Variants in RCAN2 observed in about 807,000 individuals in gnomAD.
RCAN2 encodes the protein regulator of calcineurin 2.
In RCAN2, 9 loss-of-function variants were observed where a neutral mutation model predicts 23.6. The observed-to-expected ratio is 0.38, with a 90% CI of 0.23 to 0.67. RCAN2 has a LOEUF of 0.67. Ranked by LOEUF, RCAN2 falls within the 30% of genes least tolerant of loss-of-function variation. The pLI is 0.51. For missense variants in RCAN2, 273 were observed against 302.3 expected (o/e 0.90, Z 0.72); for synonymous variants, 109 against 115.7 (o/e 0.94, Z 0.37).
At chr6:46,249,662 C>A (rs1299051612) in intron 2 of RCAN2, among the ~76,000 whole-genome samples, 2 of 152,074 alleles carry the variant, frequency 1.3e-5, no homozygotes, top group African/African-American at 4.8e-5. Context: ...ATATGGGATC[C>A]ACTCCATCCA....
intron 2 of RCAN2, among the ~76,000 whole-genome samples, chr6:46,267,254 T>G (rs1039651310): frequency 6.6e-6 from 1 of 152,180 alleles, no homozygotes; most frequent in Non-Finnish European, 1.5e-5. Context: ...AATAACATGG[T>G]CATGGTAGAC....
intron 2 of RCAN2, among the ~76,000 whole-genome samples, chr6:46,350,993 T>C (rs942743163): frequency 1.3e-5 from 2 of 152,204 alleles, no homozygotes; most frequent in East Asian, 1.9e-4. Flanking sequence ...TGGATGATAA[T>C]AGTATCACCT....
At chr6:46,349,375 A>T (rs920336576) in intron 2 of RCAN2, among the ~76,000 whole-genome samples, 11 of 152,104 alleles carry the variant, frequency 7.2e-5, no homozygotes, top group African/African-American at 2.4e-4. Flanking sequence ...ATGGACACAG[A>T]GAGGGGAACA....
intron 2 of RCAN2, among the ~76,000 whole-genome samples, chr6:46,263,513 ATGTG>A (rs1267211253): frequency 3.0e-4 from 17 of 56,336 alleles, no homozygotes; most frequent in Admixed American, 1.6e-3. Context: ...ATGTGTGTGT[ATGTG>A]TGTATGTGTG....
At chr6:46,446,956 T>A (rs1204391201) in intron 2 of RCAN2, among the ~76,000 whole-genome samples, 2 of 152,004 alleles carry the variant, frequency 1.3e-5, no homozygotes, top group Non-Finnish European at 2.9e-5. Context: ...CTAAGAACAA[T>A]TAACAAAATG....
intron 2 of RCAN2, among the ~76,000 whole-genome samples, chr6:46,439,928 G>A (rs1234023837): frequency 6.6e-6 from 1 of 152,188 alleles, no homozygotes; most frequent in Non-Finnish European, 1.5e-5. Flanking sequence ...TGTGCCCCTT[G>A]CAAAGTCGTG....
chr6:46,264,649 C>T (rs893740798), intron 2 of RCAN2, among the ~76,000 whole-genome samples: 1 of 152,058 alleles, frequency 6.6e-6, no homozygotes, highest in Non-Finnish European at 1.5e-5. Context: ...ACACAAGAGA[C>T]CTGAAGGAAA....
At chr6:46,482,237 T>C (rs969663238) in intron 1 of RCAN2, among the ~76,000 whole-genome samples, 1 of 152,000 alleles carries the variant, frequency 6.6e-6, no homozygotes, top group Admixed American at 6.6e-5. Context: ...ATAATATTAA[T>C]TTAATATTAA....
intron 2 of RCAN2, among the ~76,000 whole-genome samples, chr6:46,372,194 G>C (rs1582149659): frequency 6.6e-6 from 1 of 152,172 alleles, no homozygotes; most frequent in Admixed American, 6.5e-5. Flanking sequence ...CTGATGACTA[G>C]TACATGACAG....
At chr6:46,405,371 G>C (rs913115078) in intron 2 of RCAN2, among the ~76,000 whole-genome samples, 1 of 152,144 alleles carries the variant, frequency 6.6e-6, no homozygotes, top group Non-Finnish European at 1.5e-5. Context: ...CTGCTGGCTT[G>C]GGCAGCCTGC....
At chr6:46,266,020 A>G (rs1385760468) in intron 2 of RCAN2, among the ~76,000 whole-genome samples, 1 of 152,186 alleles carries the variant, frequency 6.6e-6, no homozygotes, top group Admixed American at 6.5e-5. Context: ...TATGGATAAC[A>G]GATCAGCGGT....
intron 2 of RCAN2, among the ~76,000 whole-genome samples, chr6:46,450,038 A>G (rs1767830829): frequency 6.6e-6 from 1 of 151,874 alleles, no homozygotes; most frequent in Non-Finnish European, 1.5e-5. Context: ...CAAAGAGAGA[A>G]AACATTTGTA....
intron 2 of RCAN2, among the ~76,000 whole-genome samples, chr6:46,276,430 G>T (rs754642057): frequency 1.3e-5 from 2 of 152,102 alleles, no homozygotes; most frequent in Non-Finnish European, 2.9e-5. Context: ...AGTATGTAAG[G>T]TATGGCCACA....
chr6:46,299,461 A>G (rs1015691814), intron 2 of RCAN2, among the ~76,000 whole-genome samples: 1 of 152,046 alleles, frequency 6.6e-6, no homozygotes, highest in Admixed American at 6.6e-5. Context: ...CATAATGGTT[A>G]TCTACTCTGT....
At chr6:46,491,733 G>A (rs975342669), upstream of RCAN2, 1 of 152,430 alleles carries the variant, frequency 6.6e-6, no homozygotes, top group Non-Finnish European at 1.5e-5. Context: ...CCTGGCTGCA[G>A]GAGTCCCGGC....
At chr6:46,333,156 G>GT (rs961243098) in intron 2 of RCAN2, among the ~76,000 whole-genome samples, 165 of 150,918 alleles carry the variant, frequency 1.1e-3, no homozygotes, top group African/African-American at 3.6e-3. Flanking sequence ...TGATGGGGTT[G>GT]TTTTTTTTTC....
At chr6:46,257,381 A>C (rs1194522454) in intron 2 of RCAN2, among the ~76,000 whole-genome samples, 1 of 152,188 alleles carries the variant, frequency 6.6e-6, no homozygotes, top group African/African-American at 2.4e-5. Context: ...CCAGTGTATT[A>C]GTCCATTCTC....
At chr6:46,431,137 G>A (rs1767187100) in intron 2 of RCAN2, among the ~76,000 whole-genome samples, 1 of 151,416 alleles carries the variant, frequency 6.6e-6, no homozygotes, top group Non-Finnish European at 1.5e-5. Context: ...GCATGTGTGT[G>A]TCTGTGTGTG....
chr6:46,352,157 T>A (rs949629927), intron 2 of RCAN2, among the ~76,000 whole-genome samples: 14 of 152,168 alleles, frequency 9.2e-5, no homozygotes, highest in Admixed American at 2.0e-4. Context: ...TCTGAAATCA[T>A]GATAATTAGT....
Sources: gnomAD v4.1 joint callset for allele counts (sites outside exome capture counted in the v4.1 genomes callset) on GRCh38, gnomAD v4.1.1 for gene constraint, MANE v1.5 for transcripts, NCBI Gene and HGNC (gene_info 2026-07-23, HGNC 2026-07-21) for gene names.